Variants in NBPF20 observed in about 807,000 individuals in gnomAD.
The protein encoded by NBPF20 is NBPF member 20.
Under a neutral mutation model 68.1 loss-of-function variants are expected in NBPF20, and 90 were observed. That is an observed-to-expected ratio of 1.32 (90% CI 1.11 to 1.58). The LOEUF is 1.58. Among genes scored for constraint, NBPF20 ranks in the 40% most tolerant of loss-of-function variants. NBPF20 has a pLI of 0.00. For synonymous variants in NBPF20, 290 were observed against 228.1 expected (o/e 1.27, Z -2.45); for missense variants, 816 against 601.2 (o/e 1.36, Z -3.74).
chr1:145,407,397 T>C (rs1285012741), upstream of NBPF20, among the ~76,000 whole-genome samples: 1 of 145,540 alleles, frequency 6.9e-6, no homozygotes, highest in Non-Finnish European at 1.5e-5. Context: ...TACACGTGTA[T>C]ATATATTATA....
intron 7 of NBPF20, among the ~76,000 whole-genome samples, chr1:145,398,768 A>G (rs1308997681): frequency 6.6e-6 from 1 of 151,886 alleles, no homozygotes; most frequent in Non-Finnish European, 1.5e-5. Flanking sequence ...AAACCCTTCA[A>G]AAGATCAATG....
chr1:145,342,714 G>C (rs1468732342), intron 73 of NBPF20, among the ~76,000 whole-genome samples, 155 bp from the exon 79 acceptor site: 1 of 90,450 alleles, frequency 1.1e-5, no homozygotes, highest in Non-Finnish European at 2.1e-5. Flanking sequence ...TGTTGGGACA[G>C]AACAGGGCCA....
At chr1:145,402,301 G>A (rs1662560353) in exon 4 of NBPF20, 3 of 1,610,538 alleles carry the variant, frequency 1.9e-6, no homozygotes, top group Non-Finnish European at 1.7e-6. Context: ...CAATGAGCGG[G>A]AGGCATCTCT....
the NBPF20 span, among the ~76,000 whole-genome samples, chr1:145,411,246 C>A: frequency 6.7e-6 from 1 of 149,086 alleles, no homozygotes; most frequent in African/African-American, 2.4e-5. Context: ...GAAGAACTGA[C>A]TTTTTAAACA....
At chr1:145,400,368 C>A (rs1553664984) in intron 6 of NBPF20, 21 bp downstream of exon 11, 57 of 1,612,208 alleles carry the variant, frequency 3.5e-5, no homozygotes, top group African/African-American at 8.0e-5. Context: ...AGGTATGAGA[C>A]ACAAGGAAAA....
the NBPF20 span, among the ~76,000 whole-genome samples, chr1:145,422,618 T>C: frequency 6.6e-6 from 1 of 151,786 alleles, no homozygotes; most frequent in African/African-American, 2.4e-5. Context: ...AGAAAAAAAG[T>C]GCCAAACAGT....
chr1:145,407,518 TAC>T (rs1662852808), upstream of NBPF20, among the ~76,000 whole-genome samples: 1 of 146,726 alleles, frequency 6.8e-6, no homozygotes, highest in South Asian at 2.1e-4. Context: ...TACGTGTATA[TAC>T]ATACGTGTAT....
exon 137 of NBPF20, chr1:145,292,404 T>A (rs1553658170): frequency 1.6e-5 from 11 of 686,040 alleles, no homozygotes; most frequent in African/African-American, 4.0e-5. Context: ...GGTTTTGATC[T>A]TCTTCCCCTT....
chr1:145,401,018 A>C, intron 5 of NBPF20, 41 bp downstream of exon 10: 2 of 1,527,344 alleles, frequency 1.3e-6, no homozygotes, highest in Non-Finnish European at 1.8e-6. Context: ...TATTCCTCAT[A>C]TGTTACCATC....
chr1:145,396,816 C>T (rs1212374496), intron 7 of NBPF20, among the ~76,000 whole-genome samples: 3 of 146,158 alleles, frequency 2.1e-5, no homozygotes, highest in Non-Finnish European at 4.5e-5. Flanking sequence ...ATGTGCACAA[C>T]GTGCAGGTTA....
At chr1:145,403,043 C>T (rs1553665841) in intron 3 of NBPF20, among the ~76,000 whole-genome samples, 173 bp downstream of exon 8, 1 of 151,356 alleles carries the variant, frequency 6.6e-6, no homozygotes, top group African/African-American at 2.4e-5. Context: ...GCAACCCATA[C>T]ATTTTTATTA....
intron 2 of NBPF20, among the ~76,000 whole-genome samples, chr1:145,404,765 C>T (rs1162687532): frequency 6.6e-6 from 1 of 151,936 alleles, no homozygotes; most frequent in African/African-American, 2.4e-5. Flanking sequence ...CAACAGACTA[C>T]ATGTTATTTG....
chr1:145,410,062 GTCTA>G (rs1470202033), upstream of NBPF20, among the ~76,000 whole-genome samples: 82 of 151,940 alleles, frequency 5.4e-4, no homozygotes, highest in East Asian at 0.014. Flanking sequence ...TGGAATGACT[GTCTA>G]TCTGATTTGT....
At chr1:145,400,981 G>C (rs111466428) in intron 5 of NBPF20, 78 bp downstream of exon 10, 14 of 1,531,240 alleles carry the variant, frequency 9.1e-6, no homozygotes, top group East Asian at 2.2e-5. Context: ...GCCGATCATA[G>C]ATGCCAGAGA....
chr1:145,342,791 A>G lies in NBPF20; in HGVS notation c.8814-232T>C, dbSNP rs1341990594. ...CACACACACACACACACACACACAC[A>G]CACAGACACACACACACACACAGAG... On this transcript the variant is annotated intron_variant, in intron 73 of 137. Coordinates refer to ENST00000369373, the Ensembl canonical transcript of NBPF20. 1.9e-3 allele frequency among the ~76,000 whole-genome samples: 217 copies of G among 116,194 alleles called. 19 individuals are homozygous for G. The highest frequency in any genetic ancestry group is 7.6e-3 in the African/African-American group (209 of 27,372). The allele number at this position is 116,194 out of a possible 152,430, so 76.2% of individuals were successfully genotyped here.
exon 138 of NBPF20, chr1:145,291,303 A>G (rs1157333559): frequency 1.5e-6 from 1 of 686,094 alleles, no homozygotes; most frequent in Non-Finnish European, 2.4e-6. Flanking sequence ...CACTCCCGGC[A>G]TGTGCTGCAC....
At chr1:145,403,178 C>A in intron 3 of NBPF20, 38 bp downstream of exon 8, 1 of 1,611,566 alleles carries the variant, frequency 6.2e-7, no homozygotes, top group African/African-American at 1.3e-5. Flanking sequence ...GAGATTTACA[C>A]ACCTGCCCCC....
chr1:145,425,560 T>C, the NBPF20 span, among the ~76,000 whole-genome samples: 1 of 152,068 alleles, frequency 6.6e-6, no homozygotes, highest in African/African-American at 2.4e-5. Flanking sequence ...GCCCAGCCCA[T>C]AGCCTGCGGC....
intron 61 of NBPF20, among the ~76,000 whole-genome samples, 197 bp from the exon 67 acceptor site, chr1:145,352,286 G>GACAC (rs1488318288): frequency 3.6e-4 from 30 of 83,746 alleles, no homozygotes; most frequent in South Asian, 4.7e-4. Context: ...AAGACAGATA[G>GACAC]ACACACACAC....
Sources: allele counts gnomAD v4.1 joint callset (sites outside exome capture counted in the v4.1 genomes callset), GRCh38; gene constraint gnomAD v4.1.1; transcripts MANE v1.5; gene names NCBI Gene and HGNC (gene_info 2026-07-23, HGNC 2026-07-21).